Variants in CDH11 observed in about 807,000 individuals in gnomAD.
CDH11 encodes the protein cadherin 11, also known as cadherin-11.
Under a neutral mutation model 67.8 loss-of-function variants are expected in CDH11, and 11 were observed. The ratio of observed to expected loss-of-function variants is 0.16; its 90% CI spans 0.10 to 0.27. The LOEUF is 0.27. CDH11 is among the 10% of genes least tolerant of loss of function. The pLI, the probability that CDH11 is intolerant of heterozygous loss-of-function variation, is 1.00. For synonymous variants in CDH11, 419 were observed against 400.0 expected (o/e 1.05, Z -0.57); for missense variants, 847 against 1,031.2 (o/e 0.82, Z 2.45).
intron 8 of CDH11, among the ~76,000 whole-genome samples, chr16:64,980,734 A>C (rs1011289847): frequency 6.6e-6 from 1 of 152,162 alleles, no homozygotes; most frequent in Non-Finnish European, 1.5e-5. Flanking sequence ...GTTTTAACTA[A>C]GGTAAGATGT....
chr16:65,046,979 T>C (rs1874457), intron 2 of CDH11, among the ~76,000 whole-genome samples: 57,597 of 151,910 alleles, frequency 0.38, 11,333 homozygotes, highest in Middle Eastern at 0.47. Context: ...CGTGGTGGCA[T>C]ATGCCTGTAG....
At chr16:65,021,399 G>A (rs1354758558) in intron 2 of CDH11, among the ~76,000 whole-genome samples, 1 of 152,062 alleles carries the variant, frequency 6.6e-6, no homozygotes, top group Non-Finnish European at 1.5e-5. Flanking sequence ...CTTCTAGAAT[G>A]TTAGAAATTA....
chr16:64,947,956 T>C lies in CDH11; in HGVS notation c.2038A>G (p.Thr680Ala). The C allele has an allele frequency of 1.2e-6, 2 of 1,614,112 alleles. No individual in the cohort carries two copies. Among genetic ancestry groups the C allele is most frequent in the Non-Finnish European group, 1.7e-6 (2 of 1,179,998 alleles). Residue 680 changes from threonine to alanine, a missense_variant, in exon 13 of 13, where the codon ACC becomes GCC. Physicochemically the swap from Thr to Ala is moderately conservative, Grantham distance 58. Transcript: ENST00000268603. ...TTGATACCATCAGGATTCTGGAGGG[T>C]GGCAATATCAAAGGCTTCTGTGTCT... The part of the protein sequence containing the change: ...EEDTEAFDIA[T>A]LQNPDGINGF...
chr16:65,032,093 T>C (rs1032329823), intron 2 of CDH11, among the ~76,000 whole-genome samples: 2 of 152,008 alleles, frequency 1.3e-5, no homozygotes, highest in Non-Finnish European at 2.9e-5. Context: ...CAAAGGAAAA[T>C]ATCATATTGC....
chr16:65,113,986 ACAATTG>A (rs1479417867), intron 1 of CDH11, among the ~76,000 whole-genome samples: 1 of 152,198 alleles, frequency 6.6e-6, no homozygotes, highest in Admixed American at 6.5e-5. Flanking sequence ...CAGGTTCCAA[ACAATTG>A]CAGAGCCTTC....
At chr16:64,990,070 C>G (rs752494130) in intron 6 of CDH11, among the ~76,000 whole-genome samples, 1 of 152,138 alleles carries the variant, frequency 6.6e-6, no homozygotes, top group Admixed American at 6.5e-5. Context: ...AAAAAATGTC[C>G]TATGTGGATT....
chr16:64,978,331 C>T (rs2072236493), intron 8 of CDH11, among the ~76,000 whole-genome samples: 1 of 152,190 alleles, frequency 6.6e-6, no homozygotes, highest in Admixed American at 6.5e-5. Context: ...CAAACTTGTT[C>T]TGCAAGGGCC....
chr16:65,031,343 T>G (rs1396073220), intron 2 of CDH11, among the ~76,000 whole-genome samples: 1 of 152,198 alleles, frequency 6.6e-6, no homozygotes, highest in Non-Finnish European at 1.5e-5. Flanking sequence ...GGTGTTGGCT[T>G]GGTGGGAGGT....
intron 2 of CDH11, among the ~76,000 whole-genome samples, chr16:65,046,183 C>T (rs538149129): frequency 2.0e-5 from 3 of 152,264 alleles, no homozygotes; most frequent in African/African-American, 4.8e-5. Context: ...TTTGAGATGC[C>T]GTGTTGACTC....
At chr16:64,955,253 C>A (rs1039885496) in intron 11 of CDH11, among the ~76,000 whole-genome samples, 7 of 151,632 alleles carry the variant, frequency 4.6e-5, no homozygotes, top group African/African-American at 1.7e-4. Context: ...CTCAAAAAAA[C>A]AAAAATAAAA....
intron 1 of CDH11, among the ~76,000 whole-genome samples, chr16:65,099,065 C>T (rs74026257): frequency 6.6e-6 from 1 of 152,016 alleles, no homozygotes; most frequent in Admixed American, 6.5e-5. Context: ...ACTTACTAAC[C>T]CTTTAATTCA....
At chr16:65,092,281 A>G (rs189421115) in intron 1 of CDH11, among the ~76,000 whole-genome samples, 63 of 152,298 alleles carry the variant, frequency 4.1e-4, no homozygotes, top group Middle Eastern at 3.4e-3. Context: ...TAGTTACCCA[A>G]GTTTTAACTA....
chr16:65,035,779 G>C (rs764304958), intron 2 of CDH11, among the ~76,000 whole-genome samples: 1 of 152,188 alleles, frequency 6.6e-6, no homozygotes, highest in African/African-American at 2.4e-5. Flanking sequence ...GATGAAGAAT[G>C]AAAGCATTAA....
intron 1 of CDH11, among the ~76,000 whole-genome samples, chr16:65,073,911 G>A (rs2074463187): frequency 6.6e-6 from 1 of 152,312 alleles, no homozygotes; most frequent in South Asian, 2.1e-4. Flanking sequence ...TAGATGCTTG[G>A]AGAATGGAGA....
intron 2 of CDH11, among the ~76,000 whole-genome samples, chr16:65,029,553 G>A (rs2073601244): frequency 6.6e-6 from 1 of 152,184 alleles, no homozygotes; most frequent in Non-Finnish European, 1.5e-5. Context: ...AACAAGAAAA[G>A]CATGATGAGG....
intron 3 of CDH11, among the ~76,000 whole-genome samples, chr16:65,001,888 T>A (rs1597077568): frequency 1.3e-5 from 2 of 151,520 alleles, no homozygotes; most frequent in East Asian, 3.9e-4. Context: ...AATTCCTAAC[T>A]CCAAAGATGA....
chr16:65,102,131 A>T (rs998102990), intron 1 of CDH11, among the ~76,000 whole-genome samples: 2 of 152,244 alleles, frequency 1.3e-5, no homozygotes, highest in African/African-American at 4.8e-5. Flanking sequence ...CCTCCAAAAA[A>T]TGCCTGCAGA....
chr16:64,996,237 C>A (rs2072759985), intron 4 of CDH11, among the ~76,000 whole-genome samples: 2 of 152,140 alleles, frequency 1.3e-5, no homozygotes, highest in Admixed American at 6.5e-5. Flanking sequence ...TGCCTGTAAT[C>A]CTAGCACTTT....
chr16:65,075,534 C>A (rs2142781578), intron 1 of CDH11, among the ~76,000 whole-genome samples: 1 of 152,298 alleles, frequency 6.6e-6, no homozygotes, highest in Non-Finnish European at 1.5e-5. Context: ...AACCCTTCTT[C>A]CATTAGGGAT....
Sources: gnomAD v4.1 joint callset for allele counts (sites outside exome capture counted in the v4.1 genomes callset) on GRCh38, gnomAD v4.1.1 for gene constraint, MANE v1.5 for transcripts, NCBI Gene and HGNC (gene_info 2026-07-23, HGNC 2026-07-21) for gene names.